SLIT3: variants seen among roughly 807,000 people sequenced by gnomAD.
The protein encoded by SLIT3 is slit guidance ligand 3.
A neutral mutation model predicts 184.0 loss-of-function variants in SLIT3; 68 were observed. The observed-to-expected ratio is 0.37, with a 90% CI of 0.30 to 0.45. The LOEUF (loss-of-function observed/expected upper bound fraction) is 0.45, where lower values mean the gene tolerates loss of function less well. Among genes scored for constraint, SLIT3 ranks in the 20% least tolerant of loss-of-function variants. The pLI, the probability that SLIT3 is intolerant of heterozygous loss-of-function variation, is 1.00. For synonymous variants in SLIT3, 831 were observed against 828.6 expected, an observed-to-expected ratio of 1.00 and a Z score of -0.05; for missense variants, 1,707 against 2,026.0, an observed-to-expected ratio of 0.84 and a Z score of 3.02.
At chr5:168,685,212 G>A (rs1334649913) in intron 31 of SLIT3, among the ~76,000 whole-genome samples, 7 of 152,212 alleles carry the variant, frequency 4.6e-5, no homozygotes, top group Admixed American at 2.0e-4. Context: ...GCCTCCCTAA[G>A]TGTTGGGATT....
intron 23 of SLIT3, among the ~76,000 whole-genome samples, chr5:168,717,898 G>A (rs1762794709): frequency 6.6e-6 from 1 of 152,076 alleles, no homozygotes; most frequent in African/African-American, 2.4e-5. Context: ...CTGACCTCAT[G>A]ATCCACCCGC....
intron 4 of SLIT3, among the ~76,000 whole-genome samples, chr5:169,167,690 G>A (rs1407841724): frequency 1.3e-5 from 2 of 152,130 alleles, no homozygotes; most frequent in South Asian, 2.1e-4. Context: ...AGGCTAATCT[G>A]CACTGGTAAG....
chr5:168,710,446 T>C (rs1053263127), intron 25 of SLIT3, among the ~76,000 whole-genome samples: 2 of 152,170 alleles, frequency 1.3e-5, no homozygotes, highest in African/African-American at 4.8e-5. Flanking sequence ...TTTAATAATG[T>C]TGGATTAAAA....
intron 4 of SLIT3, among the ~76,000 whole-genome samples, chr5:169,100,728 A>G (rs1395254588): frequency 6.6e-6 from 1 of 152,144 alleles, no homozygotes; most frequent in Non-Finnish European, 1.5e-5. Flanking sequence ...GGGTCATTCC[A>G]TCCTCCAGTG....
At chr5:169,244,065 G>A (rs1386986083) in intron 3 of SLIT3, among the ~76,000 whole-genome samples, 1 of 152,182 alleles carries the variant, frequency 6.6e-6, no homozygotes, top group Non-Finnish European at 1.5e-5. Flanking sequence ...AACAAATGGA[G>A]GCTCCAACCA....
intron 32 of SLIT3, among the ~76,000 whole-genome samples, chr5:168,680,376 GA>G (rs1225447218): frequency 3.9e-4 from 60 of 152,370 alleles, no homozygotes; most frequent in Admixed American, 3.3e-3. Context: ...CACCATTTGT[GA>G]TTATGGCTGT....
chr5:168,704,520 T>C (rs1250517983), intron 26 of SLIT3, among the ~76,000 whole-genome samples: 1 of 152,226 alleles, frequency 6.6e-6, no homozygotes, highest in African/African-American at 2.4e-5. Context: ...TTGTAGCTCA[T>C]GCACTTCCTA....
In SLIT3 at chr5:169,190,322, G is replaced by A. The variant is rs757023236; in HGVS notation, c.413+3157C>T. On this transcript the variant is annotated intron_variant, in intron 4 of 35. Transcript: ENST00000519560. ...TGCATTAGCTCACAAACAAGTCCAC[G>A]GTTCCAAGGGAGTGAAGGAGCAAGA... Among the ~76,000 whole-genome samples, 10 of 152,330 alleles carry A rather than the reference G, an allele frequency of 6.6e-5. No individual in the cohort carries two copies. In the South Asian group the frequency reaches 1.2e-3, roughly 19 times the overall value.
At chr5:168,760,370 C>T (rs982778577) in intron 16 of SLIT3, among the ~76,000 whole-genome samples, 1 of 152,160 alleles carries the variant, frequency 6.6e-6, no homozygotes, top group Non-Finnish European at 1.5e-5. Context: ...ATGGTCAGAC[C>T]CACGGACTCC....
At chr5:168,677,489 C>T (rs1368813799) in intron 32 of SLIT3, among the ~76,000 whole-genome samples, 1 of 152,128 alleles carries the variant, frequency 6.6e-6, no homozygotes, top group Non-Finnish European at 1.5e-5. Context: ...CGCTCTGTTG[C>T]CCAGGCTGGA....
At chr5:168,912,538 T>C (rs1246838506) in intron 4 of SLIT3, among the ~76,000 whole-genome samples, 1 of 152,182 alleles carries the variant, frequency 6.6e-6, no homozygotes, top group Non-Finnish European at 1.5e-5. Context: ...GAGTCAAGAA[T>C]TGGAACTAGA....
intron 4 of SLIT3, among the ~76,000 whole-genome samples, chr5:168,951,943 G>T (rs1762662348): frequency 6.6e-6 from 1 of 152,154 alleles, no homozygotes; most frequent in Non-Finnish European, 1.5e-5. Flanking sequence ...AAACAAAGTG[G>T]GAAGGTCACT....
chr5:168,666,205 A>G lies in SLIT3; in HGVS notation c.*249T>C. ...ACACAACACAAAACTTGGTAAAAAT[A>G]ACTCACTATATGGTACATATACGCA... On this transcript the variant is annotated 3_prime_UTR_variant, in exon 36 of 36. Transcript: ENST00000519560. 3.0e-6 allele frequency: 1 copy of G among 335,390 alleles called. No homozygotes were observed. Among genetic ancestry groups the G allele is most frequent in the Non-Finnish European group, 5.3e-6 (1 of 189,476 alleles). 20.8% of individuals were successfully genotyped at this position (335,390 alleles called of 1,614,324 possible).
intron 3 of SLIT3, among the ~76,000 whole-genome samples, chr5:169,204,658 C>T (rs780383017): frequency 6.6e-5 from 10 of 152,192 alleles, no homozygotes; most frequent in Non-Finnish European, 8.8e-5. Context: ...GTGGCAACAG[C>T]GGGAAGGCAG....
chr5:168,883,011 T>C (rs1281257909), intron 5 of SLIT3, among the ~76,000 whole-genome samples: 1 of 152,220 alleles, frequency 6.6e-6, no homozygotes, highest in African/African-American at 2.4e-5. Flanking sequence ...CAAGGCTCTG[T>C]AGGGCCAGGC....
rs2611843 is a variant in SLIT3, at chr5:168,716,677, G to A, written c.2484-4323C>T. On this transcript the variant is annotated intron_variant, in intron 23 of 35. Coordinates refer to ENST00000519560, the MANE Select transcript of SLIT3 (RefSeq NM_003062.4). ...ATTGCATCTTGGCAGAGCGGTCAGC[G>A]CCTGTCCCCTTTCTCTCTGCATCTT... 2.7e-4 allele frequency among the ~76,000 whole-genome samples: 41 copies of A among 152,252 alleles called. No homozygotes were observed. The Middle Eastern group carries it at 0.01, about 38-fold the overall frequency.
chr5:169,199,996 G>A (rs759540548), intron 3 of SLIT3, among the ~76,000 whole-genome samples: 29 of 152,310 alleles, frequency 1.9e-4, no homozygotes, highest in Admixed American at 7.2e-4. Flanking sequence ...CTGCTGATCC[G>A]GGAAGTCACA....
chr5:168,988,773 A>ACCC (rs113631292), intron 4 of SLIT3, among the ~76,000 whole-genome samples: 20 of 146,196 alleles, frequency 1.4e-4, no homozygotes, highest in African/African-American at 4.8e-4. Context: ...CAACTAGGAG[A>ACCC]CCCCCCCCCA....
In SLIT3 at chr5:169,120,081, G is replaced by A. The variant is rs573617385; in HGVS notation, c.413+73398C>T. 2.0e-5 allele frequency: 3 copies of A among 152,250 alleles called. No individual in the cohort carries two copies. The East Asian group carries it at 5.8e-4, about 29-fold the overall frequency. The allele number at this position is 152,250 out of a possible 1,614,324, so 9.4% of individuals were successfully genotyped here. ...GTGCAAAATGGAACAGAACCAAGAA[G>A]GATATCTTCTTAAGTAGGAATATAA... On this transcript the variant is annotated intron_variant, in intron 4 of 35. Transcript: ENST00000519560.
Sources: gnomAD v4.1 joint callset for allele counts (sites outside exome capture counted in the v4.1 genomes callset) on GRCh38, gnomAD v4.1.1 for gene constraint, MANE v1.5 for transcripts, NCBI Gene and HGNC (gene_info 2026-07-23, HGNC 2026-07-21) for gene names.